Variants in IQGAP2 observed in about 807,000 individuals in gnomAD.
The protein encoded by IQGAP2 is IQ motif containing GTPase activating protein 2.
A neutral mutation model predicts 201.3 loss-of-function variants in IQGAP2; 173 were observed. The observed-to-expected ratio is 0.86, with a 90% CI of 0.76 to 0.98. The LOEUF (loss-of-function observed/expected upper bound fraction) is 0.98, where lower values mean the gene tolerates loss of function less well. Ranked by LOEUF, IQGAP2 falls within the 50% of genes least tolerant of loss-of-function variation. The pLI is 0.00. For synonymous variants in IQGAP2, 675 were observed against 673.9 expected (o/e 1.00, Z -0.03); for missense variants, 1,687 against 1,864.8 (o/e 0.90, Z 1.76).
rs540315828 is a variant in IQGAP2, at chr5:76,585,499, ATTTCTTTT to A, written c.459-3387_459-3380del. The stretch of plus-strand genomic sequence containing the variant: ...TTTGATTATTTGTTCATCTATTCTC[ATTTCTTTT>A]TTTCTTTTTTTCTTTTTTTTTTTGA... On this transcript the variant is annotated intron_variant, in intron 5 of 35. Transcript: ENST00000274364. Among the ~76,000 whole-genome samples, 129 of 150,664 alleles carry A rather than the reference ATTTCTTTT, an allele frequency of 8.6e-4. 1 individual carries two copies. Among genetic ancestry groups the A allele is most frequent in the African/African-American group, 2.2e-3 (90 of 41,042 alleles).
At chr5:76,627,642 T>C in intron 14 of IQGAP2, 142 bp downstream of exon 14, 1 of 587,448 alleles carries the variant, frequency 1.7e-6, no homozygotes, top group African/African-American at 1.9e-5. Flanking sequence ...CCGAAATTAG[T>C]TGGTTGCCCT....
intron 2 of IQGAP2, among the ~76,000 whole-genome samples, chr5:76,558,718 A>G (rs370962988): frequency 6.6e-6 from 1 of 152,186 alleles, no homozygotes; most frequent in African/African-American, 2.4e-5. Flanking sequence ...TAGAGCTGGC[A>G]AGGACTTTAT....
chr5:76,490,173 C>G (rs997020066), intron 2 of IQGAP2, among the ~76,000 whole-genome samples: 1 of 152,190 alleles, frequency 6.6e-6, no homozygotes. Flanking sequence ...TTTTATGTTA[C>G]AAGCATTGAA....
At chr5:76,448,355 C>T (rs1561378933) in intron 1 of IQGAP2, among the ~76,000 whole-genome samples, 1 of 152,190 alleles carries the variant, frequency 6.6e-6, no homozygotes, top group Non-Finnish European at 1.5e-5. Flanking sequence ...TCTATCCTTA[C>T]TTATTCATGT....
intron 2 of IQGAP2, among the ~76,000 whole-genome samples, chr5:76,506,667 T>C (rs576377902): frequency 2.0e-5 from 3 of 152,358 alleles, no homozygotes; most frequent in Admixed American, 1.3e-4. Context: ...CAAGTGATTA[T>C]AGCAAGATTG....
chr5:76,635,618 G>A (rs1385776292), intron 15 of IQGAP2, among the ~76,000 whole-genome samples: 12 of 152,060 alleles, frequency 7.9e-5, no homozygotes, highest in African/African-American at 1.9e-4. Flanking sequence ...TGAGGTGAGC[G>A]GATTGCTTGA....
rs1746444720 is a variant in IQGAP2 at position 76,693,365 on chromosome 5, C to A, written c.3916C>A (p.Leu1306Met). 6.2e-7 allele frequency: 1 copy of A among 1,612,604 alleles called. No homozygotes were observed. Among genetic ancestry groups the A allele is most frequent in the Admixed American group, 1.7e-5 (1 of 59,814 alleles). The part of the protein sequence containing the change: ...SRSLMIKTKK[L>M]IIDVIRNQPG... ...CTCTGGTTTGTTAAGGACCAAGAAG[C>A]TGATAATTGATGTGATCCGGAACCA... Residue 1306 changes from leucine (L) to methionine (M), a missense_variant, in exon 31 of 36, where the codon CTG (leucine) becomes ATG (methionine). Physicochemically the swap from Leu to Met is conservative, Grantham distance 15. Transcript: ENST00000274364.
chr5:76,695,891 A>G (rs1746692016), intron 32 of IQGAP2, among the ~76,000 whole-genome samples: 1 of 121,500 alleles, frequency 8.2e-6, no homozygotes, highest in Non-Finnish European at 1.6e-5. Flanking sequence ...CCCAGGCTGG[A>G]GTGCAGTGGC....
At chr5:76,478,614 C>T (rs1346541958) in intron 2 of IQGAP2, among the ~76,000 whole-genome samples, 1 of 152,090 alleles carries the variant, frequency 6.6e-6, no homozygotes, top group Non-Finnish European at 1.5e-5. Flanking sequence ...AGCTACAGGC[C>T]GGGCCCCCTT....
intron 2 of IQGAP2, among the ~76,000 whole-genome samples, chr5:76,560,529 C>T (rs3913475): frequency 0.19 from 29,176 of 152,106 alleles, 3,363 homozygotes; most frequent in African/African-American, 0.3. Flanking sequence ...ATTCATAGTT[C>T]CCAAGTAGGT....
chr5:76,650,503 G>A (rs457182), intron 17 of IQGAP2, among the ~76,000 whole-genome samples: 75,768 of 152,004 alleles, frequency 0.5, 19,340 homozygotes, highest in Non-Finnish European at 0.56. Flanking sequence ...TTAACATGTG[G>A]TATCATAATA....
chr5:76,697,930 G>A lies in IQGAP2; in HGVS notation c.4207-57G>A, dbSNP rs78714571. 675 of 1,349,722 alleles carry A rather than the reference G, an allele frequency of 5.0e-4. 1 individual carries two copies. The African/African-American group carries it at 9.1e-3, about 18-fold the overall frequency. 83.6% of individuals were successfully genotyped at this position (1,349,722 alleles called of 1,614,324 possible). A position where few individuals can be genotyped will look rare whatever the true frequency, so the allele number is the denominator to read the frequency against. ...TTGATATTCTTCTTGTCCCAAACTG[G>A]CAATATCATAAAGCAAACTTCTGCT... is the stretch of plus-strand genomic sequence containing the variant. On this transcript the variant is annotated intron_variant, in intron 32 of 35. Coordinates refer to ENST00000274364, the MANE Select transcript of IQGAP2 (RefSeq NM_006633.5).
rs924727393 is a variant in IQGAP2 at position 76,584,552 on chromosome 5, C to T, written c.459-4354C>T. Among the ~76,000 whole-genome samples the T allele has an allele frequency of 3.3e-5, 5 of 152,236 alleles. No individual in the cohort carries two copies. The East Asian group carries it at 7.7e-4, about 24-fold the overall frequency. Reference sequence around the variant, plus strand: ...AAAGAAGAGCCTCAAAGTGAGCAATCGTCAGCCTAGGACCAGCAGAACTAT... The same window carrying T: ...AAAGAAGAGCCTCAAAGTGAGCAATTGTCAGCCTAGGACCAGCAGAACTAT... On this transcript the variant is annotated intron_variant, in intron 5 of 35. Transcript: ENST00000274364.
At chr5:76,618,932 G>A (rs1580630095) in intron 13 of IQGAP2, among the ~76,000 whole-genome samples, 1 of 152,272 alleles carries the variant, frequency 6.6e-6, no homozygotes, top group East Asian at 1.9e-4. Flanking sequence ...TAGGCATGTT[G>A]ACTACAAACT....
intron 21 of IQGAP2, among the ~76,000 whole-genome samples, chr5:76,664,379 T>C (rs1016990325): frequency 6.6e-6 from 1 of 152,150 alleles, no homozygotes; most frequent in African/African-American, 2.4e-5. Flanking sequence ...ACAATTACAA[T>C]AGTAACATCG....
At chr5:76,457,512 A>G (rs1052115975) in intron 1 of IQGAP2, among the ~76,000 whole-genome samples, 3 of 152,304 alleles carry the variant, frequency 2.0e-5, no homozygotes, top group East Asian at 1.9e-4. Context: ...TTCCATCTCC[A>G]TAATAAACTG....
intron 21 of IQGAP2, among the ~76,000 whole-genome samples, chr5:76,662,357 C>G (rs955855293): frequency 2.0e-5 from 3 of 152,180 alleles, no homozygotes; most frequent in Non-Finnish European, 2.9e-5. Context: ...CTCTCTGTTT[C>G]TAATGCAGAG....
Position 76,611,146 on chromosome 5 carries a change from A to G in IQGAP2, c.1484A>G (p.Gln495Arg), listed in dbSNP as rs761832961. The G allele has an allele frequency of 2.5e-6, 4 of 1,613,810 alleles. No homozygotes were observed. The highest frequency in any genetic ancestry group is 1.7e-5 in the Admixed American group (1 of 59,904). ...DVDPAHAQHY[Q>R]DVLYHAKSQK... ...GACCCAGCCCATGCCCAGCACTACC[A>G]GGATGTTTTATACCATGCTAAATCA... Residue 495 changes from glutamine to arginine, a missense_variant, in exon 13 of 36, where the codon CAG (glutamine) becomes CGG (arginine). Coordinates refer to ENST00000274364, the MANE Select transcript of IQGAP2 (RefSeq NM_006633.5).
intron 13 of IQGAP2, among the ~76,000 whole-genome samples, chr5:76,620,490 G>A (rs1223183002): frequency 6.6e-6 from 1 of 152,178 alleles, no homozygotes; most frequent in Non-Finnish European, 1.5e-5. Flanking sequence ...AAGGAGACAG[G>A]ATCGGGGAGA....
Sources: gnomAD v4.1 joint callset for allele counts (sites outside exome capture counted in the v4.1 genomes callset) on GRCh38, gnomAD v4.1.1 for gene constraint, MANE v1.5 for transcripts, NCBI Gene and HGNC (gene_info 2026-07-23, HGNC 2026-07-21) for gene names.